Variants in GUCY2D observed in about 807,000 individuals in gnomAD.
GUCY2D encodes guanylate cyclase 2D, retinal.
A neutral mutation model predicts 101.3 loss-of-function variants in GUCY2D; 70 were observed. The observed-to-expected ratio is 0.69, with a 90% CI of 0.57 to 0.84. The LOEUF (loss-of-function observed/expected upper bound fraction) is 0.84. GUCY2D is among the 40% of genes least tolerant of loss of function. GUCY2D has a pLI of 0.00. For synonymous variants in GUCY2D, 688 were observed against 670.7 expected (o/e 1.03, Z -0.40); for missense variants, 1,460 against 1,542.5 (o/e 0.95, Z 0.90).
Position 8,013,433 on chromosome 17 carries a change from C to A in GUCY2D, c.2263+181C>A. The A allele has an allele frequency of 1.5e-6, 1 of 678,606 alleles. No individual in the cohort carries two copies. The highest frequency in any genetic ancestry group is 2.6e-6 in the Non-Finnish European group (1 of 380,034). The allele number at this position is 678,606 out of a possible 1,614,324, so 42.0% of individuals were successfully genotyped here. A position where few individuals can be genotyped will look rare whatever the true frequency, so the allele number is the denominator to read the frequency against. On this transcript the variant is annotated intron_variant, in intron 11 of 19. Transcript: ENST00000254854. The surrounding 1 kb of genome is among the most constrained non-coding windows in gnomAD (Gnocchi z 5.0). Reference sequence around the variant, plus strand: ...AGCCGTGCATGGCCAGGGTGGGGAGCGTGGTTCATTAGGTCCCAGACCACA... The same window carrying A: ...AGCCGTGCATGGCCAGGGTGGGGAGAGTGGTTCATTAGGTCCCAGACCACA...
chr17:8,004,000 G>T lies in GUCY2D; in HGVS notation c.870G>T (p.Glu290Asp). 3.1e-6 allele frequency: 5 copies of T among 1,613,304 alleles called. No individual in the cohort carries two copies. Among genetic ancestry groups the T allele is most frequent in the Non-Finnish European group, 4.2e-6 (5 of 1,179,940 alleles). The change falls in exon 3 of 20, where the codon GAG (glutamate) becomes GAT (aspartate). Residue 290 changes from glutamate (E) to aspartate (D), a missense_variant. Coordinates refer to ENST00000254854, the MANE Select transcript of GUCY2D (RefSeq NM_000180.4). ...ACTACGCCTTGTCCCCAGGCCCGGA[G>T]GCCTTGGCCGCACTCGCCAACAGCT... ...TIHYALSPGP[E>D]ALAALANSSQ...
rs1975718744 is a variant in GUCY2D, at chr17:8,005,417, C to G, written c.1027-946C>G. ...CCCTGGATAGATGCAGGCCTCTCCA[C>G]ATGGCTTACCAGGTCACCTGTCTTT... On this transcript the variant is annotated intron_variant, in intron 3 of 19. Coordinates refer to ENST00000254854, the MANE Select transcript of GUCY2D (RefSeq NM_000180.4). 1.3e-5 allele frequency among the ~76,000 whole-genome samples: 2 copies of G among 152,232 alleles called. 1 individual carries two copies. The highest frequency in any genetic ancestry group is 1.3e-4 in the Admixed American group (2 of 15,290).
At position 8,014,926 on chromosome 17, in the gene GUCY2D, T is replaced by C; in HGVS notation, c.2644T>C (p.Tyr882His). ...EPEYFEQVTLYFSDIVGFTTI... is the reference protein window; with the variant it reads ...EPEYFEQVTLHFSDIVGFTTI... ...CGAGTACTTTGAGCAAGTGACACTG[T>C]ACTTTAGTGACATTGTGGGCTTCAC... The change falls in exon 14 of 20, where the codon TAC becomes CAC. Residue 882 changes from tyrosine (Y) to histidine (H), a missense_variant. Around this residue, in one of 3 missense-constraint regions of GUCY2D, gnomAD observed 1,196 missense variants for 1,229.6 expected, o/e 0.97. Coordinates refer to ENST00000254854, the MANE Select transcript of GUCY2D (RefSeq NM_000180.4). This position sits in a 1 kb window ranked among gnomAD's most constrained non-coding sequence, Gnocchi z 4.0. The C allele has an allele frequency of 6.2e-7, 1 of 1,614,040 alleles. No homozygotes were observed. The highest frequency in any genetic ancestry group is 1.1e-5 in the South Asian group (1 of 91,084).
chr17:8,007,870 C>G, intron 6 of GUCY2D, 61 bp from the exon 7 acceptor site: 6 of 1,069,384 alleles, frequency 5.6e-6, no homozygotes, highest in Admixed American at 1.8e-5. Flanking sequence ...AGCCTGACCT[C>G]AACCCAGGAC....
At chr17:8,007,272 T>C in intron 5 of GUCY2D, 128 bp downstream of exon 5, 6 of 922,554 alleles carry the variant, frequency 6.5e-6, no homozygotes, top group Non-Finnish European at 1.1e-5. Context: ...GGTGTTCTGG[T>C]GGGCTGGTAG....
In GUCY2D at chr17:8,013,807, C is replaced by T; in HGVS notation, c.2264-73C>T. The T allele has an allele frequency of 3.0e-6, 4 of 1,340,384 alleles. No individual in the cohort carries two copies. The highest frequency in any genetic ancestry group is 1.7e-5 in the Admixed American group (1 of 59,056). The allele number at this position is 1,340,384 out of a possible 1,614,324, so 83.0% of individuals were successfully genotyped here. On this transcript the variant is annotated intron_variant, in intron 11 of 19. Coordinates refer to ENST00000254854, the MANE Select transcript of GUCY2D (RefSeq NM_000180.4). The surrounding 1 kb of genome is among the most constrained non-coding windows in gnomAD (Gnocchi z 5.0). Reference sequence around the variant, plus strand: ...CCCCCTCCCACATCTTGGTCTTCAACAGTCAGGCCAGGGTCAGAGGCAGCC... The same window carrying T: ...CCCCCTCCCACATCTTGGTCTTCAATAGTCAGGCCAGGGTCAGAGGCAGCC...
In GUCY2D at chr17:8,007,051, T is replaced by A; in HGVS notation, c.1379-9T>A. On this transcript the variant is annotated splice_polypyrimidine_tract_variant and intron_variant, in intron 4 of 19. Transcript: ENST00000254854. The stretch of plus-strand genomic sequence containing the variant: ...CTCCTCAGTATACCTCCTGTCACTG[T>A]CCCTTCAGGACTGGAGCCGGGCCTC... 1 of 1,611,246 alleles carries A rather than the reference T, an allele frequency of 6.2e-7. No individual in the cohort carries two copies. The highest frequency in any genetic ancestry group is 8.5e-7 in the Non-Finnish European group (1 of 1,177,352).
rs747038879 is a variant in GUCY2D at position 8,015,961 on chromosome 17, G to T, written c.3078G>T (p.Gly1026=). ...TCCACGTGAACTTGAGCACTGTGGG[G>T]ATTCTCCGTGCTCTGGACTCGGGCT... ...YRIHVNLSTV[G]ILRALDSGYQ... Residue 1026 remains glycine, a synonymous_variant, in exon 17 of 20, where the codon GGG becomes GGT. Transcript: ENST00000254854. 1 of 1,612,278 alleles carries T rather than the reference G, an allele frequency of 6.2e-7. No homozygotes were observed. Among genetic ancestry groups the T allele is most frequent in the East Asian group, 2.2e-5 (1 of 44,826 alleles).
intron 5 of GUCY2D, 137 bp from the exon 6 acceptor site, chr17:8,007,289 A>T: frequency 1.1e-6 from 1 of 895,902 alleles, no homozygotes; most frequent in Non-Finnish European, 1.9e-6. Context: ...GTAGAGTCCC[A>T]GGGGATGTGT....
At chr17:8,003,822 C>A (rs778752848) in intron 2 of GUCY2D, 30 bp from the exon 3 acceptor site, 2 of 1,604,506 alleles carry the variant, frequency 1.2e-6, no homozygotes, top group Non-Finnish European at 8.5e-7. Context: ...GGCAGCCGGA[C>A]GGCGCCGCGA....
rs377594823 is a variant in GUCY2D at position 8,014,697 on chromosome 17, G to A, written c.2509G>A (p.Glu837Lys). The change falls in exon 13 of 20, where the codon GAG (glutamate) becomes AAG (lysine). Residue 837 changes from glutamate (E) to lysine (K), a missense_variant. By Grantham distance (56) the Glu-to-Lys change is moderately conservative (BLOSUM62 1). Around this residue, in one of 3 missense-constraint regions of GUCY2D, gnomAD observed 1,196 missense variants for 1,229.6 expected, o/e 0.97. Transcript: ENST00000254854. This position sits in a 1 kb window ranked among gnomAD's most constrained non-coding sequence, Gnocchi z 4.0. ...YSSNLEDLIR[E>K]RTEELELEKQ... ...TAGTAACCTGGAGGATCTGATCCGGGAGCGCACGGAGGAGCTGGAGCTGGA... is the reference window on the plus strand; with the variant it reads ...TAGTAACCTGGAGGATCTGATCCGGAAGCGCACGGAGGAGCTGGAGCTGGA... The A allele has an allele frequency of 1.2e-6, 2 of 1,613,946 alleles. No individual in the cohort carries two copies. The highest frequency in any genetic ancestry group is 2.7e-5 in the African/African-American group (2 of 74,900).
Position 8,007,932 on chromosome 17 carries a change from T to A in GUCY2D, c.1568T>A (p.Val523Glu). ...CTTGCATTGACCTCTACCTGCTAGG[T>A]GGCCCAGGGGAGTCGATCAAGTCTG... ...LHPHGGTSRK[V>E]AQGSRSSLGA... The change falls in exon 7 of 20, where the codon GTG (valine) becomes GAG (glutamate). Residue 523 changes from valine (V) to glutamate (E), a missense_variant and splice_region_variant. By Grantham distance (121) the Val-to-Glu change is moderately radical (BLOSUM62 -2). Coordinates refer to ENST00000254854, the MANE Select transcript of GUCY2D (RefSeq NM_000180.4). The A allele has an allele frequency of 6.2e-7, 1 of 1,603,662 alleles. No homozygotes were observed. Among genetic ancestry groups the A allele is most frequent in the Non-Finnish European group, 8.5e-7 (1 of 1,170,610 alleles).
intron 16 of GUCY2D, 34 bp downstream of exon 16, chr17:8,015,875 A>T (rs372902332): frequency 1.2e-5 from 19 of 1,593,624 alleles, no homozygotes; most frequent in Non-Finnish European, 1.3e-5. Flanking sequence ...GGGAGGTGGG[A>T]GGGGGACACG....
chr17:8,008,749 G>A (rs1454261278), intron 7 of GUCY2D, among the ~76,000 whole-genome samples: 2 of 152,140 alleles, frequency 1.3e-5, no homozygotes, highest in Non-Finnish European at 2.9e-5. Flanking sequence ...AGAATATTTA[G>A]TGTTTCTTGT....
intron 5 of GUCY2D, 116 bp from the exon 6 acceptor site, chr17:8,007,310 T>G: frequency 1.1e-6 from 1 of 898,818 alleles, no homozygotes. Context: ...GCTTTGGGGA[T>G]GGCTGCCCTC....
rs1013246655 is a variant in GUCY2D at position 8,002,971 on chromosome 17, G to A, written c.-9-68G>A. On this transcript the variant is annotated intron_variant, in intron 1 of 19. Transcript: ENST00000254854. The surrounding 1 kb of genome is among the most constrained non-coding windows in gnomAD (Gnocchi z 4.9). ...GTTACTCGGGCTTGGAGAAACTCGG[G>A]GTTACGGGGAGAACCCTAGGGGAGG... is the stretch of plus-strand genomic sequence containing the variant. The A allele has an allele frequency of 6.5e-6, 8 of 1,231,588 alleles. No individual in the cohort carries two copies. The highest frequency in any genetic ancestry group is 5.4e-5 in the South Asian group (4 of 73,566). 76.3% of individuals were successfully genotyped at this position (1,231,588 alleles called of 1,614,324 possible). A position where few individuals can be genotyped will look rare whatever the true frequency, so the allele number is the denominator to read the frequency against.
rs55916957 is a variant in GUCY2D at position 8,006,707 on chromosome 17, C to T, written c.1371C>T (p.Cys457=). 6,378 of 1,604,706 alleles carry T rather than the reference C, an allele frequency of 4.0e-3. 325 individuals carry two copies. The East Asian group carries it at 0.12, about 29-fold the overall frequency. The change falls in exon 4 of 20, where the codon TGC becomes TGT. Residue 457 remains cysteine (C), a synonymous_variant. Transcript: ENST00000254854. ...PSCWFDPNNI[C]GGGLEPGLVF... is the part of the protein sequence containing the mutation. The stretch of plus-strand genomic sequence containing the variant: ...GCTGGTTCGATCCAAACAACATCTG[C>T]GGTGGAGGTGAGGGCGAGCACCCCA...
chr17:8,011,979 C>G lies in GUCY2D; in HGVS notation c.1750-165C>G, dbSNP rs1975858759. Among the ~76,000 whole-genome samples, 2 of 152,200 alleles carry G rather than the reference C, an allele frequency of 1.3e-5. 1 individual carries two copies. Among genetic ancestry groups the G allele is most frequent in the South Asian group, 4.1e-4 (2 of 4,830 alleles). ...TATATTGTTTTTTCCAAAAATAGGACTATGTGTAGAAGAGAGCCCCCGTAC... is the reference window on the plus strand; with the variant it reads ...TATATTGTTTTTTCCAAAAATAGGAGTATGTGTAGAAGAGAGCCCCCGTAC... On this transcript the variant is annotated intron_variant, in intron 8 of 19. Transcript: ENST00000254854. This position sits in a 1 kb window ranked among gnomAD's most constrained non-coding sequence, Gnocchi z 4.3.
rs1350341897 is a variant in GUCY2D at position 8,003,996 on chromosome 17, C to T, written c.866C>T (p.Pro289Leu). 4 of 1,613,332 alleles carry T rather than the reference C, an allele frequency of 2.5e-6. No individual in the cohort carries two copies. Among genetic ancestry groups the T allele is most frequent in the Non-Finnish European group, 3.4e-6 (4 of 1,179,932 alleles). ...DTIHYALSPG[P>L]EALAALANSS... The stretch of plus-strand genomic sequence containing the variant: ...ATCCACTACGCCTTGTCCCCAGGCC[C>T]GGAGGCCTTGGCCGCACTCGCCAAC... The change falls in exon 3 of 20, where the codon CCG becomes CTG. Residue 289 changes from proline to leucine, a missense_variant. Pro to Leu is a moderately conservative substitution (Grantham distance 98, BLOSUM62 -3). Transcript: ENST00000254854.
Sources: gnomAD v4.1 joint callset for allele counts (sites outside exome capture counted in the v4.1 genomes callset) on GRCh38, gnomAD v4.1.1 for gene constraint, gnomAD v4.1.1 regional missense constraint, Gnocchi (gnomAD v3.1) non-coding constraint, MANE v1.5 for transcripts, NCBI Gene and HGNC (gene_info 2026-07-23, HGNC 2026-07-21) for gene names.